Variants in CSMD1 observed in about 807,000 individuals in gnomAD.
CSMD1 encodes the protein CUB and Sushi multiple domains 1, also known as CUB and sushi domain-containing protein 1.
In CSMD1, 213 loss-of-function variants were observed where a neutral mutation model predicts 417.5. The observed-to-expected ratio is 0.51, with a 90% CI of 0.46 to 0.57. CSMD1 has a LOEUF of 0.57. Among genes scored for constraint, CSMD1 ranks in the 20% least tolerant of loss-of-function variants. The pLI, the probability that CSMD1 is intolerant of heterozygous loss-of-function variation, is 0.00. For synonymous variants in CSMD1, 2,862 were observed against 1,736.8 expected (o/e 1.65, Z -16.11); for missense variants, 6,923 against 4,529.7 (o/e 1.53, Z -15.17).
chr8:3,435,894 C>A (rs1045891768), intron 12 of CSMD1, among the ~76,000 whole-genome samples: 1 of 152,210 alleles, frequency 6.6e-6, no homozygotes, highest in African/African-American at 2.4e-5. Context: ...AGATCTTCCC[C>A]TTGGATGAGT....
chr8:4,075,800 G>C (rs945157534), intron 3 of CSMD1, among the ~76,000 whole-genome samples: 4 of 152,162 alleles, frequency 2.6e-5, no homozygotes, highest in South Asian at 2.1e-4. Flanking sequence ...TGTGATGACA[G>C]AGCAGTCCTT....
chr8:3,167,291 G>GAAAAGAAAAAAAAAAAAAAAAAAAAAAA (rs547453018), intron 37 of CSMD1, among the ~76,000 whole-genome samples: 1 of 102,642 alleles, frequency 9.7e-6, no homozygotes, highest in African/African-American at 3.5e-5. Context: ...CTTGGAAAAA[G>GAAAAGAAAAAAAAAAAAAAAAAAAAAAA]AAAAAAAAAA....
intron 7 of CSMD1, among the ~76,000 whole-genome samples, chr8:3,641,842 A>G (rs1797323107): frequency 6.6e-6 from 1 of 152,208 alleles, no homozygotes. Context: ...AACCTACCAT[A>G]ACGTCCTATT....
rs539412752 is a variant in CSMD1 at position 3,980,814 on chromosome 8, A to G, written c.818+17089T>C. ...GGGGATACATACCCCTTGGCCAACC[A>G]CTAATGTCCCCACTCCCAGCAGTTG... is the stretch of plus-strand genomic sequence containing the variant. On this transcript the variant is annotated intron_variant, in intron 5 of 69. Transcript: ENST00000635120. 2.6e-5 allele frequency among the ~76,000 whole-genome samples: 4 copies of G among 152,222 alleles called. No individual in the cohort carries two copies. The South Asian group carries it at 6.2e-4, about 24-fold the overall frequency.
chr8:3,165,941 G>A (rs1409967372), intron 37 of CSMD1, among the ~76,000 whole-genome samples: 1 of 152,098 alleles, frequency 6.6e-6, no homozygotes, highest in Non-Finnish European at 1.5e-5. Context: ...TAACATAGAA[G>A]ACAAGGCAGT....
intron 5 of CSMD1, among the ~76,000 whole-genome samples, chr8:3,780,097 G>C (rs371990381): frequency 6.6e-6 from 1 of 152,120 alleles, no homozygotes. Context: ...TGTACCAGTC[G>C]GTGTTGCATT....
chr8:3,453,318 C>G (rs546861407), intron 12 of CSMD1, among the ~76,000 whole-genome samples: 4 of 152,228 alleles, frequency 2.6e-5, no homozygotes, highest in Non-Finnish European at 4.4e-5. Context: ...TCGTTCACTT[C>G]TGCTCTGATC....
chr8:3,846,827 C>G (rs1434540166), intron 5 of CSMD1, among the ~76,000 whole-genome samples: 1 of 152,072 alleles, frequency 6.6e-6, no homozygotes, highest in African/African-American at 2.4e-5. Context: ...GTGCCTGCCA[C>G]CACGTCTGGC....
At chr8:3,923,866 TTGTC>T (rs931938264) in intron 5 of CSMD1, among the ~76,000 whole-genome samples, 69 of 152,342 alleles carry the variant, frequency 4.5e-4, no homozygotes, top group African/African-American at 1.6e-3. Flanking sequence ...CATGCAGTAT[TTGTC>T]TTTCTTTGCT....
chr8:2,987,017 T>C (rs185132871), intron 54 of CSMD1, among the ~76,000 whole-genome samples: 210 of 152,196 alleles, frequency 1.4e-3, no homozygotes, highest in African/African-American at 4.9e-3. Context: ...CTCTTGCAAG[T>C]ACATTCCCTC....
At chr8:4,773,563 A>G (rs1277355654) in intron 1 of CSMD1, among the ~76,000 whole-genome samples, 1 of 152,162 alleles carries the variant, frequency 6.6e-6, no homozygotes, top group Non-Finnish European at 1.5e-5. Flanking sequence ...TTACTTTCAC[A>G]CTGAATCCTC....
intron 7 of CSMD1, among the ~76,000 whole-genome samples, chr8:3,703,673 C>A (rs1284061257): frequency 1.3e-5 from 2 of 152,118 alleles, no homozygotes; most frequent in African/African-American, 2.4e-5. Context: ...AAGAGATGAG[C>A]CTGCAGGATG....
chr8:3,711,168 T>C (rs902966390), intron 6 of CSMD1, among the ~76,000 whole-genome samples: 1 of 152,206 alleles, frequency 6.6e-6, no homozygotes, highest in Non-Finnish European at 1.5e-5. Flanking sequence ...AACGAGAGAC[T>C]GGAAGGAACA....
chr8:4,461,756 T>TTTA (rs1554487181), intron 2 of CSMD1, among the ~76,000 whole-genome samples: 4 of 147,584 alleles, frequency 2.7e-5, no homozygotes, highest in East Asian at 2.0e-4. Flanking sequence ...TTTTTTTTTT[T>TTTA]TGGAGATGGA....
At chr8:3,788,899 G>C (rs913240940) in intron 5 of CSMD1, among the ~76,000 whole-genome samples, 1 of 152,202 alleles carries the variant, frequency 6.6e-6, no homozygotes, top group African/African-American at 2.4e-5. Context: ...CACAGGCTCA[G>C]AGGAGGAAAG....
intron 5 of CSMD1, among the ~76,000 whole-genome samples, chr8:3,881,628 A>G (rs569722786): frequency 7.3e-6 from 1 of 137,486 alleles, no homozygotes; most frequent in Non-Finnish European, 1.5e-5. Context: ...AAAAACAAAA[A>G]CAAAAACAAA....
chr8:3,977,297 A>T (rs771345993), intron 5 of CSMD1, among the ~76,000 whole-genome samples: 2 of 152,110 alleles, frequency 1.3e-5, no homozygotes, highest in Non-Finnish European at 2.9e-5. Context: ...TTCCCTGAAG[A>T]CAGATCCCAT....
chr8:4,707,505 T>A (rs1038992331), intron 1 of CSMD1, among the ~76,000 whole-genome samples: 5 of 152,102 alleles, frequency 3.3e-5, no homozygotes, highest in Middle Eastern at 3.2e-3. Context: ...GAAATCAGCG[T>A]AGGAGTCCGT....
At chr8:3,718,954 G>C (rs1021808785) in intron 6 of CSMD1, among the ~76,000 whole-genome samples, 4 of 152,220 alleles carry the variant, frequency 2.6e-5, no homozygotes, top group East Asian at 1.9e-4. Flanking sequence ...GAGAATAGAA[G>C]GAGCGAGAAG....
Sources: allele counts gnomAD v4.1 joint callset (sites outside exome capture counted in the v4.1 genomes callset), GRCh38; gene constraint gnomAD v4.1.1; transcripts MANE v1.5; gene names NCBI Gene and HGNC (gene_info 2026-07-23, HGNC 2026-07-21).